Variants in CCNJL observed in about 807,000 individuals in gnomAD.
CCNJL encodes the protein cyclin J like.
A neutral mutation model predicts 33.4 loss-of-function variants in CCNJL; 33 were observed. That is an observed-to-expected ratio of 0.99 (90% confidence interval 0.75 to 1.32). The LOEUF (loss-of-function observed/expected upper bound fraction) is 1.32. Ranked by LOEUF, CCNJL falls within the 40% of genes most tolerant of loss-of-function variation. The pLI is 0.00. For synonymous variants in CCNJL, 227 were observed against 220.9 expected (o/e 1.03, Z -0.24); for missense variants, 512 against 499.7 (o/e 1.02, Z -0.23).
At chr5:160,283,610 T>A (rs10079870) in intron 2 of CCNJL, among the ~76,000 whole-genome samples, 19,051 of 152,254 alleles carry the variant, frequency 0.13, 1,295 homozygotes, top group Middle Eastern at 0.27. Flanking sequence ...CAAGCATTTA[T>A]CCTTTGTGTT....
chr5:160,301,348 A>G (rs776882272), intron 2 of CCNJL, among the ~76,000 whole-genome samples: 1 of 152,202 alleles, frequency 6.6e-6, no homozygotes, highest in Non-Finnish European at 1.5e-5. Context: ...CTAATTTACA[A>G]GGACAAAAAG....
intron 4 of CCNJL, among the ~76,000 whole-genome samples, chr5:160,257,720 T>A (rs1037062696): frequency 2.6e-5 from 4 of 152,040 alleles, no homozygotes; most frequent in African/African-American, 9.7e-5. Context: ...TTGTAAAATA[T>A]GATTAATGGA....
At chr5:160,269,661 G>A (rs1186094120) in intron 3 of CCNJL, 4 of 359,668 alleles carry the variant, frequency 1.1e-5, no homozygotes, top group South Asian at 2.0e-5. Flanking sequence ...TGTTTTCATC[G>A]GGGTCAGCAC....
rs181002220 is a variant in CCNJL at position 160,287,948 on chromosome 5, C to T, written c.67-7210G>A. On this transcript the variant is annotated intron_variant, in intron 2 of 5. Transcript: ENST00000257536. ...GGGCAGAGGCTTCCTGATCACTCTC[C>T]CTCCCCAGCTGTTGGCCCTTGATCA... 1.6e-4 allele frequency among the ~76,000 whole-genome samples: 25 copies of T among 152,238 alleles called. 1 individual carries two copies. The East Asian group carries it at 4.8e-3, about 29-fold the overall frequency.
intron 5 of CCNJL, chr5:160,254,261 C>G (rs1418336288): frequency 1.7e-6 from 1 of 571,448 alleles, no homozygotes; most frequent in South Asian, 2.3e-5. Context: ...CCATCCCCAG[C>G]GGGGTCACTC....
intron 2 of CCNJL, among the ~76,000 whole-genome samples, chr5:160,293,099 T>C (rs575857325): frequency 6.6e-6 from 1 of 152,332 alleles, no homozygotes; most frequent in African/African-American, 2.4e-5. Flanking sequence ...TGTGATAGTT[T>C]AGGTTTGTTT....
intron 1 of CCNJL, among the ~76,000 whole-genome samples, chr5:160,320,489 G>A (rs1290542579): frequency 6.6e-6 from 1 of 152,200 alleles, no homozygotes; most frequent in African/African-American, 2.4e-5. Flanking sequence ...CTTGGAGGGA[G>A]AGAAGTATTC....
intron 3 of CCNJL, among the ~76,000 whole-genome samples, chr5:160,274,080 G>A (rs556383033): frequency 2.0e-5 from 3 of 152,212 alleles, no homozygotes; most frequent in African/African-American, 7.2e-5. Flanking sequence ...CTGTTCCCAG[G>A]GGTTACCTGG....
Position 160,253,565 on chromosome 5 carries a change from G to A in CCNJL, c.977C>T (p.Thr326Ile), listed in dbSNP as rs901110449. ...GTACGGGGTGTGGAGGGATGAGCCT[G>A]TACTCCCCGAGAGCAGGCTCCCTGA... ...HRSGSLLSGS[T>I]GSSLHTPYQP... Residue 326 changes from threonine (T) to isoleucine (I), a missense_variant, in exon 6 of 6, where the codon ACA becomes ATA. Transcript: ENST00000257536. 1 of 1,614,170 alleles carries A rather than the reference G, an allele frequency of 6.2e-7. No homozygotes were observed. Among genetic ancestry groups the A allele is most frequent in the Non-Finnish European group, 8.5e-7 (1 of 1,180,020 alleles).
chr5:160,291,453 T>C (rs190291687), intron 2 of CCNJL, among the ~76,000 whole-genome samples: 1 of 152,128 alleles, frequency 6.6e-6, no homozygotes, highest in African/African-American at 2.4e-5. Context: ...AAAAATAATA[T>C]AACTTTGGAA....
chr5:160,328,751 G>A (rs889315188), intron 1 of CCNJL, among the ~76,000 whole-genome samples: 1 of 151,520 alleles, frequency 6.6e-6, no homozygotes, highest in Non-Finnish European at 1.5e-5. Context: ...GTGGTGGTAT[G>A]TGCCTGTAGT....
At chr5:160,279,620 G>T (rs1168768974) in intron 3 of CCNJL, among the ~76,000 whole-genome samples, 5 of 152,192 alleles carry the variant, frequency 3.3e-5, no homozygotes, top group Non-Finnish European at 7.3e-5. Context: ...GTTTTCACAG[G>T]GATCTAGAGC....
At chr5:160,282,749 A>G (rs2113359940) in intron 2 of CCNJL, among the ~76,000 whole-genome samples, 1 of 151,842 alleles carries the variant, frequency 6.6e-6, no homozygotes, top group South Asian at 2.1e-4. Flanking sequence ...TAAAACCCTG[A>G]TAAGATACCA....
chr5:160,286,449 T>A (rs1163856283), intron 2 of CCNJL, among the ~76,000 whole-genome samples: 1 of 151,958 alleles, frequency 6.6e-6, no homozygotes, highest in South Asian at 2.1e-4. Context: ...ACCAGCCTGG[T>A]CGTCATGGCA....
At chr5:160,256,489 G>A (rs1423930982) in intron 4 of CCNJL, among the ~76,000 whole-genome samples, 1 of 152,204 alleles carries the variant, frequency 6.6e-6, no homozygotes, top group Admixed American at 6.5e-5. Context: ...TAGGTTGACT[G>A]AGGAATCTTA....
At chr5:160,282,819 T>C (rs1163696313) in intron 2 of CCNJL, among the ~76,000 whole-genome samples, 2 of 151,176 alleles carry the variant, frequency 1.3e-5, no homozygotes, top group Non-Finnish European at 2.9e-5. Flanking sequence ...AAAATGTATA[T>C]ACAAGTGCTG....
intron 3 of CCNJL, among the ~76,000 whole-genome samples, chr5:160,278,553 T>C (rs1762094852): frequency 6.6e-6 from 1 of 152,186 alleles, no homozygotes; most frequent in Admixed American, 6.5e-5. Flanking sequence ...CTGAAAAATC[T>C]GTTCCTGCTG....
At chr5:160,297,717 G>A (rs927333442) in intron 2 of CCNJL, among the ~76,000 whole-genome samples, 1 of 151,446 alleles carries the variant, frequency 6.6e-6, no homozygotes, top group Non-Finnish European at 1.5e-5. Context: ...GGGATAATAG[G>A]GCATTATTTT....
At chr5:160,291,207 CG>C (rs1351914283) in intron 2 of CCNJL, among the ~76,000 whole-genome samples, 1 of 151,968 alleles carries the variant, frequency 6.6e-6, no homozygotes, top group African/African-American at 2.4e-5. Context: ...ACGGAAGAAG[CG>C]GGTCAGTGTT....
Sources: allele counts gnomAD v4.1 joint callset (sites outside exome capture counted in the v4.1 genomes callset), GRCh38; gene constraint gnomAD v4.1.1; transcripts MANE v1.5; gene names NCBI Gene and HGNC (gene_info 2026-07-23, HGNC 2026-07-21).